Variants in IKBIP observed in about 807,000 individuals in gnomAD.
IKBIP encodes the protein inhibitor of nuclear factor kappa-B kinase-interacting protein.
IKBIP carries 28 observed loss-of-function variants against 31.0 expected under a neutral mutation model. The observed-to-expected ratio is 0.90, with a 90% CI of 0.67 to 1.24. The LOEUF is 1.24. Ranked by LOEUF, IKBIP falls within the 50% of genes most tolerant of loss-of-function variation. IKBIP has a pLI of 0.00. For synonymous variants in IKBIP, 164 were observed against 160.3 expected (o/e 1.02, Z -0.17); for missense variants, 453 against 441.9 (o/e 1.03, Z -0.23).
chr12:98,623,560 C>CTTTT (rs35433597), downstream of IKBIP, among the ~76,000 whole-genome samples: 334 of 64,198 alleles, frequency 5.2e-3, no homozygotes, highest in Non-Finnish European at 6.7e-3. Flanking sequence ...CCTCCTTACA[C>CTTTT]TTTTTTTTTT....
chr12:98,620,751 C>T (rs1489554538), downstream of IKBIP, among the ~76,000 whole-genome samples: 1 of 152,156 alleles, frequency 6.6e-6, no homozygotes, highest in Non-Finnish European at 1.5e-5. Context: ...GTGGCTCACA[C>T]CTGTTATCCC....
At chr12:98,632,158 A>G (rs928636128) in intron 2 of IKBIP, among the ~76,000 whole-genome samples, 4 of 151,826 alleles carry the variant, frequency 2.6e-5, no homozygotes, top group Non-Finnish European at 4.4e-5. Context: ...CCGGCCTTCA[A>G]TAGCTTTTAA....
At chr12:98,628,118 G>A (rs2097616550) in intron 2 of IKBIP, among the ~76,000 whole-genome samples, 1 of 152,238 alleles carries the variant, frequency 6.6e-6, no homozygotes. Context: ...TTATGTGCTT[G>A]CAGCATTATG....
intron 2 of IKBIP, among the ~76,000 whole-genome samples, chr12:98,616,492 C>T (rs746043928): frequency 1.6e-4 from 25 of 152,126 alleles, no homozygotes; most frequent in Non-Finnish European, 2.6e-4. Flanking sequence ...TAGTTTGACA[C>T]AATCATATTT....
At chr12:98,613,427 G>GA (rs779201558) in exon 3 of IKBIP, 170 of 435,722 alleles carry the variant, frequency 3.9e-4, no homozygotes, top group Non-Finnish European at 5.7e-4. Context: ...ATTTATTTTG[G>GA]AAAATCAACC....
chr12:98,643,845 T>TCG (rs2097634202), intron 1 of IKBIP, among the ~76,000 whole-genome samples: 1 of 148,666 alleles, frequency 6.7e-6, no homozygotes, highest in Non-Finnish European at 1.5e-5. Context: ...AGACGGAGTC[T>TCG]CGCTCGGTCG....
chr12:98,622,240 T>C (rs1284416860), downstream of IKBIP, among the ~76,000 whole-genome samples: 1 of 152,100 alleles, frequency 6.6e-6, no homozygotes, highest in Non-Finnish European at 1.5e-5. Flanking sequence ...ATTAATAGTT[T>C]ATAGGCTGGG....
exon 3 of IKBIP, chr12:98,613,653 A>C (rs749760809): frequency 1.3e-6 from 2 of 1,580,124 alleles, no homozygotes; most frequent in East Asian, 2.2e-5. Context: ...ACTATTGTTA[A>C]ATTAGATATT....
At chr12:98,633,507 A>ATTTT (rs1555211700) in intron 2 of IKBIP, among the ~76,000 whole-genome samples, 4 of 96,460 alleles carry the variant, frequency 4.1e-5, no homozygotes, top group East Asian at 3.4e-4. Context: ...TTTTTTTTTA[A>ATTTT]TTCTTTTTTT....
At chr12:98,624,238 A>G (rs893719025), downstream of IKBIP, 43 of 962,204 alleles carry the variant, frequency 4.5e-5, no homozygotes, top group Non-Finnish European at 5.2e-5. Flanking sequence ...TTAAAACAAC[A>G]AAGTTCCAGC....
chr12:98,626,056 C>T lies in IKBIP; in HGVS notation c.1008G>A (p.Lys336=). ...TTAGAATATCCAGTTCATTTTGCAT[C>T]TTTAATATGCTATTATCATACTGAA... ...EGIQYDNSIL[K]MQNELDILKE... The change falls in exon 3 of 3, where the codon AAG becomes AAA. Residue 336 remains lysine, a synonymous_variant. Transcript: ENST00000299157. The T allele has an allele frequency of 6.3e-7, 1 of 1,589,766 alleles. No individual in the cohort carries two copies.
chr12:98,625,007 C>G lies in IKBIP; in HGVS notation c.*923G>C, dbSNP rs781550487. On this transcript the variant is annotated 3_prime_UTR_variant, in exon 3 of 3. Coordinates refer to ENST00000299157, the MANE Select transcript of IKBIP (RefSeq NM_153687.4). ...TTTTTAGTAGAGACAGGGTTTCACC[C>G]TGTTAGCCAGATGGTCTTGATCTCC... The G allele has an allele frequency of 2.5e-5, 11 of 447,330 alleles. No homozygotes were observed. Among genetic ancestry groups the G allele is most frequent in the South Asian group, 1.9e-4 (2 of 10,562 alleles). The allele number at this position is 447,330 out of a possible 1,614,324, so 27.7% of individuals were successfully genotyped here. A position where few individuals can be genotyped will look rare whatever the true frequency, so the allele number is the denominator to read the frequency against.
At position 98,626,578 on chromosome 12, in the gene IKBIP, G is replaced by A. The variant is rs775226415; in HGVS notation, c.486C>T (p.Ser162=). ...FQNITDFWKR[S]LEEMNINTDI... is the part of the protein sequence containing the mutation. ...CTGTATTAATGTTCATTTCTTCTAG[G>A]CTTCTCTTCCAGAAATCCGTAATAT... Residue 162 remains serine, a synonymous_variant, in exon 3 of 3, where the codon AGC becomes AGT. Coordinates refer to ENST00000299157, the MANE Select transcript of IKBIP (RefSeq NM_153687.4). 1 of 1,613,252 alleles carries A rather than the reference G, an allele frequency of 6.2e-7. No homozygotes were observed. Among genetic ancestry groups the A allele is most frequent in the Non-Finnish European group, 8.5e-7 (1 of 1,179,826 alleles).
intron 2 of IKBIP, among the ~76,000 whole-genome samples, chr12:98,617,952 C>T (rs1002313884): frequency 6.6e-6 from 1 of 152,178 alleles, no homozygotes; most frequent in African/African-American, 2.4e-5. Flanking sequence ...GATTTGACAG[C>T]ATATACTGTA....
chr12:98,643,240 C>A (rs1009683199), intron 1 of IKBIP, among the ~76,000 whole-genome samples: 4 of 152,146 alleles, frequency 2.6e-5, no homozygotes, highest in Non-Finnish European at 5.9e-5. Flanking sequence ...TGTGAGCCAC[C>A]GCGCCCAGCC....
At chr12:98,619,435 G>C (rs1041454830), downstream of IKBIP, among the ~76,000 whole-genome samples, 2 of 152,112 alleles carry the variant, frequency 1.3e-5, no homozygotes, top group East Asian at 3.8e-4. Context: ...TGTTTCACTT[G>C]GTTGTTTATA....
chr12:98,625,279 AAC>A lies in IKBIP; in HGVS notation c.*649_*650del. The A allele has an allele frequency of 1.0e-6, 1 of 983,160 alleles. No individual in the cohort carries two copies. Among genetic ancestry groups the A allele is most frequent in the Non-Finnish European group, 1.2e-6 (1 of 827,834 alleles). 60.9% of individuals were successfully genotyped at this position (983,160 alleles called of 1,614,324 possible). A position where few individuals can be genotyped will look rare whatever the true frequency, so the allele number is the denominator to read the frequency against. ...TTTTAAAAGTCTTACAAGTATCTGT[AAC>A]ACAGTTTAGAACCTTAACAAAAACT... On this transcript the variant is annotated 3_prime_UTR_variant, in exon 3 of 3. Transcript: ENST00000299157.
chr12:98,640,878 C>T (rs912276071), intron 1 of IKBIP, among the ~76,000 whole-genome samples: 3 of 152,102 alleles, frequency 2.0e-5, no homozygotes, highest in African/African-American at 7.2e-5. Context: ...CCTCCAACCT[C>T]AACCCCCCAA....
Position 98,626,053 on chromosome 12 carries a change from C to A in IKBIP, c.1011G>T (p.Met337Ile). 6.3e-7 allele frequency: 1 copy of A among 1,586,972 alleles called. No individual in the cohort carries two copies. Among genetic ancestry groups the A allele is most frequent in the Admixed American group, 1.8e-5 (1 of 55,848 alleles). ...CTTTTAGAATATCCAGTTCATTTTG[C>A]ATCTTTAATATGCTATTATCATACT... ...GIQYDNSILK[M>I]QNELDILKEK... is the part of the protein sequence containing the mutation. Residue 337 changes from methionine to isoleucine, a missense_variant, in exon 3 of 3, where the codon ATG (methionine) becomes ATT (isoleucine). By Grantham distance (10) the Met-to-Ile change is conservative. Coordinates refer to ENST00000299157, the MANE Select transcript of IKBIP (RefSeq NM_153687.4).
Sources: gnomAD v4.1 joint callset for allele counts (sites outside exome capture counted in the v4.1 genomes callset) on GRCh38, gnomAD v4.1.1 for gene constraint, MANE v1.5 for transcripts, NCBI Gene and HGNC (gene_info 2026-07-23, HGNC 2026-07-21) for gene names.